The following RAI14 variants were observed in gnomAD, a reference collection of about 807,000 sequenced individuals.
RAI14 encodes ankycorbin.
RAI14 carries 45 observed loss-of-function variants against 115.4 expected under a neutral mutation model. The ratio of observed to expected loss-of-function variants is 0.39; its 90% confidence interval spans 0.31 to 0.50. The LOEUF (loss-of-function observed/expected upper bound fraction) is 0.50, where lower values mean the gene tolerates loss of function less well. Among genes scored for constraint, RAI14 ranks in the 20% least tolerant of loss-of-function variants. The pLI, the probability that RAI14 is intolerant of heterozygous loss-of-function variation, is 0.85. For synonymous variants in RAI14, 371 were observed against 415.4 expected, an observed-to-expected ratio of 0.89 and a Z score of 1.30; for missense variants, 939 against 1,131.2, an observed-to-expected ratio of 0.83 and a Z score of 2.44.
At chr5:34,750,984 C>T (rs1437664854) in intron 2 of RAI14, among the ~76,000 whole-genome samples, 2 of 150,112 alleles carry the variant, frequency 1.3e-5, no homozygotes, top group African/African-American at 4.9e-5. Context: ...TCCCGAGTAG[C>T]GGGGATTACA....
intron 7 of RAI14, 52 bp from the exon 8 acceptor site, chr5:34,810,960 A>G: frequency 3.1e-6 from 5 of 1,608,320 alleles, no homozygotes; most frequent in Non-Finnish European, 4.2e-6. Flanking sequence ...GACTTTTGCA[A>G]TTCTGGCATT....
intron 3 of RAI14, among the ~76,000 whole-genome samples, chr5:34,765,089 T>G (rs1432627650): frequency 1.3e-5 from 2 of 152,254 alleles, no homozygotes; most frequent in Non-Finnish European, 2.9e-5. Context: ...TTTCACTTTC[T>G]GCCATGATTC....
rs1344674123 is a variant in RAI14, at chr5:34,686,866, G to T, written c.-48-6G>T. The stretch of plus-strand genomic sequence containing the variant: ...ACCTACATATGTCCTTTTTTTCTCT[G>T]CTTAGGTGTTGAAAAGTCTCCTCTA... On this transcript the variant is annotated splice_polypyrimidine_tract_variant and splice_region_variant and intron_variant, in intron 1 of 17. Coordinates refer to ENST00000265109, the MANE Select transcript of RAI14 (RefSeq NM_015577.3). The T allele has an allele frequency of 1.3e-6, 2 of 1,569,856 alleles. No individual in the cohort carries two copies. The highest frequency in any genetic ancestry group is 1.1e-5 in the South Asian group (1 of 88,472).
At chr5:34,749,574 G>A (rs989079233) in intron 2 of RAI14, among the ~76,000 whole-genome samples, 2 of 152,226 alleles carry the variant, frequency 1.3e-5, no homozygotes, top group African/African-American at 4.8e-5. Flanking sequence ...ATGGAGGCAG[G>A]CAAGGCTTCA....
At chr5:34,718,529 A>C (rs946668837) in intron 2 of RAI14, among the ~76,000 whole-genome samples, 5 of 152,256 alleles carry the variant, frequency 3.3e-5, no homozygotes, top group Admixed American at 6.5e-5. Flanking sequence ...TATTACACAC[A>C]ATGGTGCTCA....
chr5:34,741,613 G>A (rs966119955), intron 2 of RAI14, among the ~76,000 whole-genome samples: 1 of 152,206 alleles, frequency 6.6e-6, no homozygotes, highest in Non-Finnish European at 1.5e-5. Flanking sequence ...GAGCATTTGT[G>A]TGGCTTATAT....
At chr5:34,781,640 A>G (rs1751660374) in intron 3 of RAI14, among the ~76,000 whole-genome samples, 1 of 152,236 alleles carries the variant, frequency 6.6e-6, no homozygotes, top group African/African-American at 2.4e-5. Context: ...TGAATTGCTG[A>G]TAGAGATGTT....
chr5:34,747,036 C>T (rs978725592), intron 2 of RAI14, among the ~76,000 whole-genome samples: 5 of 152,176 alleles, frequency 3.3e-5, no homozygotes, highest in Non-Finnish European at 7.3e-5. Flanking sequence ...CTGAGGCCTC[C>T]CCAGCCATGT....
rs1758071054 is a variant in RAI14 at position 34,832,286 on chromosome 5, T to C, written c.*1521T>C. 1.3e-5 allele frequency: 2 copies of C among 152,784 alleles called. No homozygotes were observed. The highest frequency in any genetic ancestry group is 1.5e-5 in the Non-Finnish European group (1 of 68,044). The allele number at this position is 152,784 out of a possible 1,614,324, so 9.5% of individuals were successfully genotyped here. The stretch of plus-strand genomic sequence containing the variant: ...AGCAAAGCAAAAATGGCTTTAAAGC[T>C]TGGTGTTACTTTTCTTAAGTTGTTT... On this transcript the variant is annotated 3_prime_UTR_variant, in exon 18 of 18. Coordinates refer to ENST00000265109, the MANE Select transcript of RAI14 (RefSeq NM_015577.3).
At chr5:34,740,629 C>T (rs1445334723) in intron 2 of RAI14, among the ~76,000 whole-genome samples, 2 of 152,144 alleles carry the variant, frequency 1.3e-5, no homozygotes, top group Non-Finnish European at 2.9e-5. Flanking sequence ...AGGCCTGTGT[C>T]TTCTGGGGGC....
intron 1 of RAI14, among the ~76,000 whole-genome samples, chr5:34,661,932 C>T (rs1742721707): frequency 6.6e-6 from 1 of 152,168 alleles, no homozygotes; most frequent in Non-Finnish European, 1.5e-5. Context: ...TCTACAGGCG[C>T]GTGCCAACAC....
chr5:34,800,049 C>G (rs1754078231), intron 4 of RAI14, among the ~76,000 whole-genome samples: 1 of 152,152 alleles, frequency 6.6e-6, no homozygotes. Context: ...TTTATGGATG[C>G]TTTACAAGCA....
Position 34,831,146 on chromosome 5 carries a change from C to T in RAI14, c.*381C>T, listed in dbSNP as rs1292435764. On this transcript the variant is annotated 3_prime_UTR_variant, in exon 18 of 18. Coordinates refer to ENST00000265109, the MANE Select transcript of RAI14 (RefSeq NM_015577.3). ...TGAATGCTCCTTCCATTCCTGTACT[C>T]GGGCAGTGCCATTCAGCACAGGAGA... 4 of 190,532 alleles carry T rather than the reference C, an allele frequency of 2.1e-5. No homozygotes were observed. Among genetic ancestry groups the T allele is most frequent in the East Asian group, 1.4e-4 (1 of 7,250 alleles). The allele number at this position is 190,532 out of a possible 1,614,324, so 11.8% of individuals were successfully genotyped here.
chr5:34,775,080 A>T (rs1279609231), intron 3 of RAI14, among the ~76,000 whole-genome samples: 1 of 152,192 alleles, frequency 6.6e-6, no homozygotes, highest in Non-Finnish European at 1.5e-5. Flanking sequence ...GAAGAATGAA[A>T]CTAGACCCCT....
intron 1 of RAI14, among the ~76,000 whole-genome samples, chr5:34,672,724 A>C (rs1394223409): frequency 6.6e-6 from 1 of 152,140 alleles, no homozygotes. Context: ...AGAATAAATT[A>C]GGGTGACAGT....
At chr5:34,753,229 G>C (rs1747362825) in intron 2 of RAI14, among the ~76,000 whole-genome samples, 1 of 152,084 alleles carries the variant, frequency 6.6e-6, no homozygotes, top group African/African-American at 2.4e-5. Context: ...GTCTCCAAAA[G>C]CCTTCTTTGA....
intron 7 of RAI14, among the ~76,000 whole-genome samples, chr5:34,809,214 G>A (rs1224120391): frequency 1.3e-5 from 2 of 152,242 alleles, no homozygotes; most frequent in Middle Eastern, 3.4e-3. Context: ...ACTTTGCCAC[G>A]AAATATCTCA....
At chr5:34,704,562 A>G (rs1037601842) in intron 2 of RAI14, among the ~76,000 whole-genome samples, 1 of 152,232 alleles carries the variant, frequency 6.6e-6, no homozygotes, top group African/African-American at 2.4e-5. Context: ...AGAAGAGTAC[A>G]TCCCTCTTAG....
intron 13 of RAI14, among the ~76,000 whole-genome samples, chr5:34,821,228 C>G (rs1301669812): frequency 6.6e-6 from 1 of 152,176 alleles, no homozygotes; most frequent in Non-Finnish European, 1.5e-5. Flanking sequence ...GAAGACTGGT[C>G]TGACGTTGCT....
Sources: allele counts gnomAD v4.1 joint callset (sites outside exome capture counted in the v4.1 genomes callset), GRCh38; gene constraint gnomAD v4.1.1; transcripts MANE v1.5; gene names NCBI Gene and HGNC (gene_info 2026-07-23, HGNC 2026-07-21).